The following EFCAB6 variants were observed in gnomAD, a reference collection of about 807,000 sequenced individuals.
EFCAB6 encodes EF-hand calcium-binding domain-containing protein 6.
A neutral mutation model predicts 169.8 loss-of-function variants in EFCAB6; 156 were observed. The observed-to-expected ratio is 0.92, with a 90% CI of 0.81 to 1.05. The LOEUF is 1.05. Ranked by LOEUF, EFCAB6 falls within the 50% of genes least tolerant of loss-of-function variation. The pLI, the probability that EFCAB6 is intolerant of heterozygous loss-of-function variation, is 0.00. For synonymous variants in EFCAB6, 698 were observed against 676.4 expected (o/e 1.03, Z -0.50); for missense variants, 1,800 against 1,829.1 (o/e 0.98, Z 0.29).
chr22:43,659,434 G>A (rs1408339017), intron 17 of EFCAB6, among the ~76,000 whole-genome samples: 1 of 152,134 alleles, frequency 6.6e-6, no homozygotes, highest in Non-Finnish European at 1.5e-5. Flanking sequence ...TGAGGTGGGT[G>A]GATCACTTGA....
intron 8 of EFCAB6, among the ~76,000 whole-genome samples, chr22:43,726,719 A>G (rs1362323205): frequency 2.0e-5 from 3 of 152,236 alleles, no homozygotes; most frequent in African/African-American, 7.2e-5. Context: ...ATCTGTGAAT[A>G]AACTTTGCCC....
chr22:43,756,639 G>C (rs1203607851), intron 5 of EFCAB6, among the ~76,000 whole-genome samples: 1 of 152,140 alleles, frequency 6.6e-6, no homozygotes, highest in Non-Finnish European at 1.5e-5. Flanking sequence ...GACACTGCCT[G>C]TACTGGTGAC....
rs781751757 is a variant in EFCAB6, at chr22:43,626,576, T to A, written c.2336A>T (p.Asp779Val). The A allele has an allele frequency of 5.0e-6, 8 of 1,614,068 alleles. No individual in the cohort carries two copies. The South Asian group carries it at 8.8e-5, about 18-fold the overall frequency. The change falls in exon 20 of 32, where the codon GAC (aspartate) becomes GTC (valine). Residue 779 changes from aspartate to valine, a missense_variant. Asp to Val is a radical substitution (Grantham distance 152). Transcript: ENST00000262726. ...LLLHLLLNLK[D>V]DEFERFLGLL... The stretch of plus-strand genomic sequence containing the variant: ...GCCAAGGAAGCGCTCAAACTCGTCG[T>A]CTTTGAGATTAAGCAGTAGATGCAG...
At chr22:43,745,598 C>A (rs1055340332) in intron 6 of EFCAB6, among the ~76,000 whole-genome samples, 6 of 152,170 alleles carry the variant, frequency 3.9e-5, no homozygotes, top group African/African-American at 1.2e-4. Flanking sequence ...CAGCAGCAAG[C>A]GGAAGAGTTC....
rs141892827 is a variant in EFCAB6 at position 43,676,213 on chromosome 22, C to T, written c.1419+1783G>A. ...TGGGCAGATCACAAGGTCAGGAGAT[C>T]GAGACCATCCTGGCTAACATGGTGA... On this transcript the variant is annotated intron_variant, in intron 13 of 31. Coordinates refer to ENST00000262726, the MANE Select transcript of EFCAB6 (RefSeq NM_022785.4). Among the ~76,000 whole-genome samples, 1,095 of 151,902 alleles carry T rather than the reference C, an allele frequency of 7.2e-3. 18 individuals are homozygous for T. Among genetic ancestry groups the T allele is most frequent in the African/African-American group, 0.025 (1,054 of 41,406 alleles).
At chr22:43,533,754 T>C (rs2047218694) in intron 30 of EFCAB6, among the ~76,000 whole-genome samples, 1 of 151,898 alleles carries the variant, frequency 6.6e-6, no homozygotes, top group Admixed American at 6.6e-5. Flanking sequence ...ACGGAGCAAA[T>C]GGGGTGGCTA....
chr22:43,737,771 TCACA>T (rs1198206080), intron 6 of EFCAB6, among the ~76,000 whole-genome samples: 23 of 125,564 alleles, frequency 1.8e-4, no homozygotes, highest in Non-Finnish European at 2.8e-4. Flanking sequence ...ACACCATCAC[TCACA>T]CACATATTCA....
intron 20 of EFCAB6, among the ~76,000 whole-genome samples, chr22:43,618,627 TG>T (rs1238047657): frequency 6.6e-6 from 1 of 152,180 alleles, no homozygotes; most frequent in Non-Finnish European, 1.5e-5. Context: ...GTCCTAATTC[TG>T]GAACTGTGCA....
intron 6 of EFCAB6, among the ~76,000 whole-genome samples, chr22:43,739,222 CA>C (rs1337444033): frequency 1.3e-5 from 2 of 152,252 alleles, no homozygotes; most frequent in Non-Finnish European, 2.9e-5. Context: ...TTGTCAAACC[CA>C]AGGGCCACTT....
intron 21 of EFCAB6, among the ~76,000 whole-genome samples, chr22:43,611,827 A>G (rs2053327484): frequency 6.6e-6 from 1 of 152,130 alleles, no homozygotes; most frequent in Non-Finnish European, 1.5e-5. Flanking sequence ...TAAAATTCAT[A>G]TGGAACCAAA....
At chr22:43,780,011 T>C (rs1173451551) in intron 3 of EFCAB6, among the ~76,000 whole-genome samples, 2 of 152,178 alleles carry the variant, frequency 1.3e-5, no homozygotes. Flanking sequence ...AACCTTACTA[T>C]TGAGGAAATG....
At chr22:43,708,398 A>G (rs1416865581) in intron 10 of EFCAB6, among the ~76,000 whole-genome samples, 1 of 151,864 alleles carries the variant, frequency 6.6e-6, no homozygotes, top group Non-Finnish European at 1.5e-5. Context: ...CTCTGTCTCA[A>G]AAAAAAAGGA....
chr22:43,532,343 C>T (rs1389035217), intron 30 of EFCAB6, among the ~76,000 whole-genome samples: 2 of 152,196 alleles, frequency 1.3e-5, no homozygotes, highest in Non-Finnish European at 2.9e-5. Context: ...GCTCAGAAGG[C>T]GGCACTGGTG....
chr22:43,559,868 G>C (rs1463989519), intron 26 of EFCAB6, among the ~76,000 whole-genome samples: 1 of 151,880 alleles, frequency 6.6e-6, no homozygotes, highest in African/African-American at 2.4e-5. Flanking sequence ...ATTGTTGGGT[G>C]GGGGGCAAGG....
At chr22:43,623,089 A>G (rs1006888613) in intron 20 of EFCAB6, among the ~76,000 whole-genome samples, 1 of 152,256 alleles carries the variant, frequency 6.6e-6, no homozygotes. Flanking sequence ...TCCAAAGATG[A>G]TGGTGACACT....
chr22:43,715,447 A>G (rs1424368124), intron 9 of EFCAB6, among the ~76,000 whole-genome samples: 1 of 152,260 alleles, frequency 6.6e-6, no homozygotes, highest in Non-Finnish European at 1.5e-5. Context: ...TGCCTGGCAC[A>G]GAGAACATCC....
intron 21 of EFCAB6, among the ~76,000 whole-genome samples, chr22:43,614,733 A>G (rs927013794): frequency 1.3e-5 from 2 of 152,132 alleles, no homozygotes; most frequent in African/African-American, 4.8e-5. Context: ...CACAATACAG[A>G]CAGTTGACTC....
intron 10 of EFCAB6, among the ~76,000 whole-genome samples, chr22:43,706,687 A>G (rs1003119101): frequency 6.6e-6 from 1 of 152,246 alleles, no homozygotes; most frequent in Non-Finnish European, 1.5e-5. Flanking sequence ...TCATGATCCA[A>G]TCAAACGCAG....
chr22:43,737,392 TCA>T (rs1018294856), intron 6 of EFCAB6, among the ~76,000 whole-genome samples: 5 of 138,016 alleles, frequency 3.6e-5, no homozygotes, highest in Non-Finnish European at 6.3e-5. Flanking sequence ...ACACATATAT[TCA>T]CACACACACA....
Sources: gnomAD v4.1 joint callset for allele counts (sites outside exome capture counted in the v4.1 genomes callset) on GRCh38, gnomAD v4.1.1 for gene constraint, MANE v1.5 for transcripts, NCBI Gene and HGNC (gene_info 2026-07-23, HGNC 2026-07-21) for gene names.